Variants in PHIP observed in about 807,000 individuals in gnomAD.
PHIP encodes PHIP subunit of CUL4-Ring ligase complex.
PHIP carries 54 observed loss-of-function variants against 236.8 expected under a neutral mutation model. That is an observed-to-expected ratio of 0.23 (90% CI 0.18 to 0.29). The LOEUF is 0.29. Among genes scored for constraint, PHIP ranks in the 10% least tolerant of loss-of-function variants. PHIP has a pLI of 1.00. For missense variants in PHIP, 1,370 were observed against 2,190.8 expected (o/e 0.63, Z 7.48); for synonymous variants, 756 against 718.9 (o/e 1.05, Z -0.83).
At chr6:79,016,713 G>A (rs977517180) in intron 12 of PHIP, 71 bp from the exon 13 acceptor site, 3 of 882,326 alleles carry the variant, frequency 3.4e-6, no homozygotes, top group Non-Finnish European at 5.3e-6. Flanking sequence ...TTTTCCCAGA[G>A]ATCTTGTTTA....
intron 36 of PHIP, 94 bp from the exon 37 acceptor site, chr6:78,946,968 A>G (rs1773855774): frequency 3.0e-6 from 2 of 674,642 alleles, no homozygotes; most frequent in Admixed American, 3.4e-5. Context: ...CCAGTAAAAA[A>G]TATTTAGAAT....
At chr6:78,953,778 A>T (rs929779909) in intron 35 of PHIP, among the ~76,000 whole-genome samples, 1 of 152,038 alleles carries the variant, frequency 6.6e-6, no homozygotes, top group Non-Finnish European at 1.5e-5. Flanking sequence ...TAGAGACGGG[A>T]TTTTACCATG....
In PHIP at chr6:78,950,400, G is replaced by T. The variant is rs1337294646; in HGVS notation, c.4054-2625C>A. Reference sequence around the variant, plus strand: ...GGAATTTTGAGTTTTTCTATCTTCTGGAAGAGATTGTGTAGAATTTGTGTT... The same window carrying T: ...GGAATTTTGAGTTTTTCTATCTTCTTGAAGAGATTGTGTAGAATTTGTGTT... On this transcript the variant is annotated intron_variant, in intron 35 of 39. Transcript: ENST00000275034. Among the ~76,000 whole-genome samples, 4 of 152,166 alleles carry T rather than the reference G, an allele frequency of 2.6e-5. No homozygotes were observed. In the East Asian group the frequency reaches 7.7e-4, roughly 29 times the overall value.
chr6:79,006,230 C>T (rs902431727), intron 15 of PHIP, among the ~76,000 whole-genome samples: 2 of 151,944 alleles, frequency 1.3e-5, no homozygotes, highest in African/African-American at 4.8e-5. Context: ...AATTAAAAGA[C>T]CAACTCTCTA....
chr6:79,017,366 C>A lies in PHIP; in HGVS notation c.1116G>T (p.Gln372His). Residue 372 changes from glutamine to histidine, a missense_variant, in exon 12 of 40, where the codon CAG becomes CAT. Transcript: ENST00000275034. ...EFHTDKVDSI[Q>H]FSNTSNRFVS... ...TTTACCTGTTACTAGTGTTGGAAAA[C>A]TGGATACTGTCAACTTTGTCCTATA... The A allele has an allele frequency of 6.4e-7, 1 of 1,563,964 alleles. No homozygotes were observed. The highest frequency in any genetic ancestry group is 8.7e-7 in the Non-Finnish European group (1 of 1,148,254).
intron 24 of PHIP, among the ~76,000 whole-genome samples, chr6:78,973,789 A>G (rs1051823113): frequency 3.3e-5 from 5 of 151,988 alleles, no homozygotes; most frequent in African/African-American, 1.2e-4. Context: ...AGGCCATTAC[A>G]TAATGGTAAA....
chr6:79,049,753 T>A (rs528752389), intron 6 of PHIP, among the ~76,000 whole-genome samples: 98 of 152,314 alleles, frequency 6.4e-4, no homozygotes, highest in African/African-American at 2.3e-3. Flanking sequence ...GCTATATTCA[T>A]GACTAGACAT....
rs143679112 is a variant in PHIP at position 78,965,139 on chromosome 6, T to C, written c.3379+564A>G. Among the ~76,000 whole-genome samples the C allele has an allele frequency of 6.4e-4, 97 of 152,326 alleles. 1 individual carries two copies. The South Asian group carries it at 8.1e-3, about 13-fold the overall frequency. ...TATCATTATTAATTACAACTATATC[T>C]TCATTGAGCTCTTATATGTGTCAGG... is the stretch of plus-strand genomic sequence containing the variant. On this transcript the variant is annotated intron_variant, in intron 29 of 39. Coordinates refer to ENST00000275034, the MANE Select transcript of PHIP (RefSeq NM_017934.7).
Position 78,947,560 on chromosome 6 carries a change from T to C in PHIP, c.4206+63A>G, listed in dbSNP as rs912075647. Reference sequence around the variant, plus strand: ...CCTAAATTTTAAGTAAAGCAACATTTAGTCATTTAACACACTCCTCTAACT... The same window carrying C: ...CCTAAATTTTAAGTAAAGCAACATTCAGTCATTTAACACACTCCTCTAACT... On this transcript the variant is annotated intron_variant, in intron 36 of 39. Transcript: ENST00000275034. 4 of 751,792 alleles carry C rather than the reference T, an allele frequency of 5.3e-6. No individual in the cohort carries two copies. In the Admixed American group the frequency reaches 8.1e-5, roughly 15 times the overall value. The allele number at this position is 751,792 out of a possible 1,614,324, so 46.6% of individuals were successfully genotyped here. A position where few individuals can be genotyped will look rare whatever the true frequency, so the allele number is the denominator to read the frequency against.
In PHIP at chr6:79,019,127, C is replaced by T; in HGVS notation, c.956G>A (p.Arg319Gln). The change falls in exon 10 of 40, where the codon CGG becomes CAG. Residue 319 changes from arginine (R) to glutamine (Q), a missense_variant. Arg to Gln is a conservative substitution (Grantham distance 43, BLOSUM62 1). This residue lies in a region of PHIP where 188 missense variants were observed against 354.3 expected (regional missense o/e 0.53). Coordinates refer to ENST00000275034, the MANE Select transcript of PHIP (RefSeq NM_017934.7). ...PRPAKFTERP[R>Q]PGVQMICSSF... Reference sequence around the variant, plus strand: ...AGAACAGATCATTTGAACTCCAGGCCGAGGGCGCTCTGTAAATTTTGCAGG... The same window carrying T: ...AGAACAGATCATTTGAACTCCAGGCTGAGGGCGCTCTGTAAATTTTGCAGG... 1 of 1,612,634 alleles carries T rather than the reference C, an allele frequency of 6.2e-7. No homozygotes were observed. Among genetic ancestry groups the T allele is most frequent in the Non-Finnish European group, 8.5e-7 (1 of 1,178,972 alleles).
chr6:78,985,054 A>G (rs951597287), intron 22 of PHIP, among the ~76,000 whole-genome samples: 4 of 152,156 alleles, frequency 2.6e-5, no homozygotes, highest in Admixed American at 1.3e-4. Context: ...TCTTAACTTC[A>G]TACTTTTCAA....
intron 23 of PHIP, 77 bp from the exon 24 acceptor site, chr6:78,978,788 TATAAAG>T: frequency 8.6e-7 from 1 of 1,166,046 alleles, no homozygotes; most frequent in South Asian, 1.6e-5. Flanking sequence ...TTAAAATAAC[TATAAAG>T]ATAATTAAAT....
Position 78,946,796 on chromosome 6 carries a change from G to C in PHIP, c.4285C>G (p.Leu1429Val), listed in dbSNP as rs768363637. The C allele has an allele frequency of 1.3e-6, 2 of 1,591,784 alleles. No homozygotes were observed. Among genetic ancestry groups the C allele is most frequent in the South Asian group, 1.1e-5 (1 of 87,770 alleles). Residue 1429 changes from leucine to valine, a missense_variant, in exon 37 of 40, where the codon CTT (leucine) becomes GTT (valine). Around this residue, in one of 14 missense-constraint regions of PHIP, gnomAD observed 125 missense variants for 235.1 expected, o/e 0.53. Transcript: ENST00000275034. ...SSVLSDYKSA[L>V]RFHKRNTITK... ...ATGGTATTTCTTTTATGAAAACGAA[G>C]AGCAGATTTATAATCTGATAAAACT...
intron 27 of PHIP, among the ~76,000 whole-genome samples, 178 bp downstream of exon 27, chr6:78,969,657 T>C (rs988683200): frequency 2.5e-4 from 38 of 152,152 alleles, no homozygotes; most frequent in African/African-American, 8.4e-4. Context: ...ACTGTTTTCA[T>C]TCCTAAACAA....
chr6:78,945,690 A>G (rs781287086), intron 38 of PHIP, 193 bp from the exon 39 acceptor site: 59 of 613,596 alleles, frequency 9.6e-5, no homozygotes, highest in Non-Finnish European at 1.6e-4. Context: ...CAGCCCTTTT[A>G]GAAGCTGTCC....
intron 17 of PHIP, among the ~76,000 whole-genome samples, chr6:78,998,670 G>A (rs1033788204): frequency 6.6e-6 from 1 of 152,076 alleles, no homozygotes; most frequent in Non-Finnish European, 1.5e-5. Flanking sequence ...CATTAGGTAT[G>A]TATAAACAAC....
chr6:78,969,702 T>C (rs1349155570), intron 27 of PHIP, 133 bp downstream of exon 27: 8 of 490,722 alleles, frequency 1.6e-5, no homozygotes. Context: ...TATCTTACTT[T>C]GCTATTAACA....
At chr6:78,986,721 C>A (rs1355794916) in intron 21 of PHIP, among the ~76,000 whole-genome samples, 1 of 152,054 alleles carries the variant, frequency 6.6e-6, no homozygotes, top group Non-Finnish European at 1.5e-5. Context: ...ATACTTGGGA[C>A]AAAAGTTTTC....
intron 7 of PHIP, among the ~76,000 whole-genome samples, chr6:79,041,373 T>C (rs908619096): frequency 3.3e-5 from 5 of 152,060 alleles, no homozygotes; most frequent in Admixed American, 6.6e-5. Context: ...GGAGATTATA[T>C]GTCTAATTAA....
Sources: allele counts gnomAD v4.1 joint callset (sites outside exome capture counted in the v4.1 genomes callset), GRCh38; gene constraint gnomAD v4.1.1; regional missense constraint gnomAD v4.1.1; transcripts MANE v1.5; gene names NCBI Gene and HGNC (gene_info 2026-07-23, HGNC 2026-07-21).